NBAS: variants seen among roughly 807,000 people sequenced by gnomAD.
NBAS encodes NBAS subunit of NRZ tethering complex, also known as NAG/BC035112 fusion.
NBAS carries 219 observed loss-of-function variants against 302.5 expected under a neutral mutation model. That is an observed-to-expected ratio of 0.72 (90% confidence interval 0.65 to 0.81). The LOEUF is 0.81. NBAS is among the 30% of genes least tolerant of loss of function. The pLI is 0.00. For missense variants in NBAS, 2,932 were observed against 2,841.6 expected, an observed-to-expected ratio of 1.03 and a Z score of -0.72; for synonymous variants, 1,118 against 1,021.6, an observed-to-expected ratio of 1.09 and a Z score of -1.80.
chr2:15,481,509 C>T lies in NBAS; in HGVS notation c.1084-3220G>A, dbSNP rs960368720. 5.3e-5 allele frequency among the ~76,000 whole-genome samples: 8 copies of T among 151,490 alleles called. No homozygotes were observed. The South Asian group carries it at 8.3e-4, about 16-fold the overall frequency. ...AAACTCCCCATGACCCACAAGAAAG[C>T]TCCTGGCACCATGTGAATACATTTC... is the stretch of plus-strand genomic sequence containing the variant. On this transcript the variant is annotated intron_variant, in intron 12 of 51. Coordinates refer to ENST00000281513, the MANE Select transcript of NBAS (RefSeq NM_015909.4).
At chr2:15,088,088 C>T in the NBAS span, among the ~76,000 whole-genome samples, 2 of 152,164 alleles carry the variant, frequency 1.3e-5, no homozygotes, top group Non-Finnish European at 2.9e-5. Context: ...CCTGGAGGTA[C>T]TCCTGGATTT....
the NBAS span, among the ~76,000 whole-genome samples, chr2:14,780,416 G>A: frequency 1.3e-5 from 2 of 152,194 alleles, no homozygotes; most frequent in African/African-American, 4.8e-5. Flanking sequence ...TCTGTGAGAG[G>A]CGATCATGCT....
intron 39 of NBAS, 27 bp downstream of exon 39, chr2:15,309,144 A>G: frequency 6.3e-7 from 1 of 1,584,558 alleles, no homozygotes; most frequent in Non-Finnish European, 8.7e-7. Flanking sequence ...GTCATTTTAA[A>G]TTCTTCATTG....
At chr2:15,539,142 C>G in intron 7 of NBAS, 81 bp downstream of exon 7, 2 of 1,559,982 alleles carry the variant, frequency 1.3e-6, no homozygotes, top group South Asian at 1.1e-5. Context: ...TATTATCCCC[C>G]CCTTCACACT....
intron 10 of NBAS, among the ~76,000 whole-genome samples, chr2:15,507,935 G>A (rs769526612): frequency 4.6e-5 from 7 of 152,198 alleles, no homozygotes; most frequent in Non-Finnish European, 8.8e-5. Context: ...AGACTACGAT[G>A]TATGTGTCAG....
the NBAS span, among the ~76,000 whole-genome samples, chr2:14,792,210 G>T: frequency 6.6e-6 from 1 of 152,110 alleles, no homozygotes; most frequent in African/African-American, 2.4e-5. Context: ...CAGCCCAAAC[G>T]TACAGACACT....
chr2:15,082,719 A>G, the NBAS span, among the ~76,000 whole-genome samples: 1 of 152,204 alleles, frequency 6.6e-6, no homozygotes, highest in African/African-American at 2.4e-5. Flanking sequence ...CCAAACTTAG[A>G]GAGCTACAAA....
chr2:15,476,918 A>G (rs563521626), intron 13 of NBAS, among the ~76,000 whole-genome samples: 1 of 152,352 alleles, frequency 6.6e-6, no homozygotes, highest in South Asian at 2.1e-4. Flanking sequence ...GAGATTTTAA[A>G]TATGGAGTTC....
the NBAS span, among the ~76,000 whole-genome samples, chr2:14,940,935 T>C: frequency 6.6e-6 from 1 of 152,248 alleles, no homozygotes; most frequent in Non-Finnish European, 1.5e-5. Context: ...GTAAATCCTC[T>C]TTTTATCTTA....
the NBAS span, among the ~76,000 whole-genome samples, chr2:15,146,175 T>A: frequency 1.3e-5 from 2 of 152,086 alleles, no homozygotes; most frequent in Admixed American, 6.5e-5. Context: ...GCAAGTTACT[T>A]AAATGCTTGT....
chr2:14,883,744 G>T, the NBAS span, among the ~76,000 whole-genome samples: 3 of 151,926 alleles, frequency 2.0e-5, no homozygotes, highest in Non-Finnish European at 2.9e-5. Context: ...ACCAAGGCAG[G>T]GGATCTTTTG....
chr2:15,094,748 G>A, the NBAS span, among the ~76,000 whole-genome samples: 14 of 152,062 alleles, frequency 9.2e-5, no homozygotes, highest in Non-Finnish European at 1.2e-4. Context: ...AAATGCTCCC[G>A]CCGGCCCTTT....
rs1313165622 is a variant in NBAS, at chr2:15,511,358, G to T, written c.747-8C>A. 6.2e-7 allele frequency: 1 copy of T among 1,612,706 alleles called. No individual in the cohort carries two copies. The highest frequency in any genetic ancestry group is 1.1e-5 in the South Asian group (1 of 90,928). ...CCACCAACAAGTAAAAGTCTAAAAAGGAGAAAATTTTTAAAAATCGATAAA... is the reference window on the plus strand; with the variant it reads ...CCACCAACAAGTAAAAGTCTAAAAATGAGAAAATTTTTAAAAATCGATAAA... On this transcript the variant is annotated splice_region_variant and splice_polypyrimidine_tract_variant and intron_variant, in intron 9 of 51. Coordinates refer to ENST00000281513, the MANE Select transcript of NBAS (RefSeq NM_015909.4).
chr2:15,531,083 A>C (rs1663191368), intron 9 of NBAS, among the ~76,000 whole-genome samples: 1 of 152,228 alleles, frequency 6.6e-6, no homozygotes, highest in African/African-American at 2.4e-5. Context: ...TCAAATGATC[A>C]ATTAAGCACA....
the NBAS span, among the ~76,000 whole-genome samples, chr2:15,084,678 T>C: frequency 7.2e-6 from 1 of 138,464 alleles, no homozygotes; most frequent in African/African-American, 3.3e-5. Context: ...ACACACCATA[T>C]CGGCGGGGCG....
intron 9 of NBAS, among the ~76,000 whole-genome samples, chr2:15,528,429 TAATA>T (rs1040021519): frequency 2.2e-4 from 32 of 147,802 alleles, no homozygotes; most frequent in African/African-American, 7.1e-4. Flanking sequence ...TATGTTTATA[TAATA>T]TATATTTTTA....
At chr2:15,154,226 AT>A in the NBAS span, among the ~76,000 whole-genome samples, 1 of 152,242 alleles carries the variant, frequency 6.6e-6, no homozygotes, top group Non-Finnish European at 1.5e-5. Flanking sequence ...GAGACAGTCA[AT>A]GAAATTCCCC....
At chr2:15,089,839 C>T in the NBAS span, among the ~76,000 whole-genome samples, 1 of 150,674 alleles carries the variant, frequency 6.6e-6, no homozygotes, top group African/African-American at 2.4e-5. Context: ...ACCTCTGCCT[C>T]CCAGGTTCCA....
At chr2:15,178,194 G>A (rs1391607498) in intron 51 of NBAS, 1 of 468,694 alleles carries the variant, frequency 2.1e-6, no homozygotes, top group African/African-American at 2.0e-5. Context: ...GCATGCATGT[G>A]TATATATACA....
Sources: gnomAD v4.1 joint callset for allele counts (sites outside exome capture counted in the v4.1 genomes callset) on GRCh38, gnomAD v4.1.1 for gene constraint, MANE v1.5 for transcripts, NCBI Gene and HGNC (gene_info 2026-07-23, HGNC 2026-07-21) for gene names.